The following DMTN variants were observed in gnomAD, a reference collection of about 807,000 sequenced individuals.
DMTN encodes the protein dematin actin binding protein.
A neutral mutation model predicts 59.4 loss-of-function variants in DMTN; 27 were observed. That is an observed-to-expected ratio of 0.45 (90% CI 0.33 to 0.63). The LOEUF (loss-of-function observed/expected upper bound fraction) is 0.63, where lower values mean the gene tolerates loss of function less well. Ranked by LOEUF, DMTN falls within the 20% of genes least tolerant of loss-of-function variation. The probability of loss-of-function intolerance (pLI) is 0.02; values close to 1 mark genes in which losing one functional copy is unlikely to be tolerated. For synonymous variants in DMTN, 221 were observed against 203.7 expected, an observed-to-expected ratio of 1.08 and a Z score of -0.72; for missense variants, 451 against 528.9, an observed-to-expected ratio of 0.85 and a Z score of 1.45.
chr8:22,081,695 C>G lies in DMTN; in HGVS notation c.*232C>G. 1.7e-6 allele frequency: 1 copy of G among 592,242 alleles called. No homozygotes were observed. The highest frequency in any genetic ancestry group is 1.8e-5 in the South Asian group (1 of 54,532). 36.7% of individuals were successfully genotyped at this position (592,242 alleles called of 1,614,324 possible). On this transcript the variant is annotated 3_prime_UTR_variant, in exon 16 of 16. Coordinates refer to ENST00000358242, the MANE Select transcript of DMTN (RefSeq NM_001387751.1). Reference sequence around the variant, plus strand: ...CTGGCCCTCCCTGCACAGGGCAAAGCCAGTCTGGGCTCTGGCACACAGAGT... The same window carrying G: ...CTGGCCCTCCCTGCACAGGGCAAAGGCAGTCTGGGCTCTGGCACACAGAGT...
upstream of DMTN, among the ~76,000 whole-genome samples, chr8:22,052,139 G>A (rs765203359): frequency 1.3e-5 from 2 of 152,210 alleles, no homozygotes; most frequent in African/African-American, 2.4e-5. Flanking sequence ...ATGAGCGACT[G>A]TCTCCACTGC....
chr8:22,069,849 GTCC>G (rs752688962), intron 6 of DMTN, 29 bp from the exon 7 acceptor site: 25 of 1,611,956 alleles, frequency 1.6e-5, no homozygotes, highest in East Asian at 2.2e-5. Flanking sequence ...CCATCAGCAT[GTCC>G]TCCTCCTCAT....
At chr8:22,057,371 A>T (rs900058483) in intron 1 of DMTN, among the ~76,000 whole-genome samples, 1 of 152,146 alleles carries the variant, frequency 6.6e-6, no homozygotes, top group African/African-American at 2.4e-5. Flanking sequence ...AACTGCTCCC[A>T]GCCCAATCCC....
chr8:22,081,168 C>T lies in DMTN; in HGVS notation c.1079C>T (p.Pro360Leu), dbSNP rs750730863. ...AACAAGGGGCGAACCAAGCTGCCACCGGGGGTGGATCGGATGCGGCTTGAG... is the reference window on the plus strand; with the variant it reads ...AACAAGGGGCGAACCAAGCTGCCACTGGGGGTGGATCGGATGCGGCTTGAG... ...VTNKGRTKLP[P>L]GVDRMRLERH... Residue 360 changes from proline to leucine, a missense_variant, in exon 15 of 16, where the codon CCG (proline) becomes CTG (leucine). Coordinates refer to ENST00000358242, the MANE Select transcript of DMTN (RefSeq NM_001387751.1). 8.7e-6 allele frequency: 14 copies of T among 1,612,748 alleles called. No individual in the cohort carries two copies. Among genetic ancestry groups the T allele is most frequent in the African/African-American group, 4.0e-5 (3 of 74,422 alleles).
At chr8:22,075,806 G>A (rs1430400682) in intron 10 of DMTN, among the ~76,000 whole-genome samples, 4 of 152,078 alleles carry the variant, frequency 2.6e-5, no homozygotes, top group African/African-American at 4.8e-5. Flanking sequence ...GGCGTGAGCC[G>A]CTGCGCCCAG....
At chr8:22,077,885 G>T (rs1306136252) in intron 10 of DMTN, among the ~76,000 whole-genome samples, 1 of 152,060 alleles carries the variant, frequency 6.6e-6, no homozygotes, top group African/African-American at 2.4e-5. Context: ...CTTCGTGCAG[G>T]GTTTGAAGGT....
intron 5 of DMTN, 73 bp downstream of exon 5, chr8:22,069,133 T>C: frequency 1.3e-6 from 2 of 1,538,206 alleles, no homozygotes; most frequent in Non-Finnish European, 1.8e-6. Flanking sequence ...CCCTCACACA[T>C]CAGACCAAGC....
At chr8:22,067,003 G>T (rs1489712322) in intron 2 of DMTN, 82 bp from the exon 3 acceptor site, 3 of 1,310,868 alleles carry the variant, frequency 2.3e-6, no homozygotes, top group Non-Finnish European at 2.0e-6. Flanking sequence ...CAGCGCCCCG[G>T]GTCCCCCAGG....
chr8:22,080,647 A>G, intron 13 of DMTN, 22 bp downstream of exon 13: 1 of 1,600,360 alleles, frequency 6.2e-7, no homozygotes, highest in Non-Finnish European at 8.5e-7. Flanking sequence ...CTGGAGGGGA[A>G]CAGGCAGAGC....
At position 22,060,249 on chromosome 8, in the gene DMTN, T is replaced by C. The variant is rs952837441; in HGVS notation, c.-172+3113T>C. ...GGGATGCAGGCACAGACAGGCGGGGTGCATGGATGGGAGAGGGGTCTGGAT... is the reference window on the plus strand; with the variant it reads ...GGGATGCAGGCACAGACAGGCGGGGCGCATGGATGGGAGAGGGGTCTGGAT... On this transcript the variant is annotated intron_variant, in intron 1 of 15. Coordinates refer to ENST00000358242, the MANE Select transcript of DMTN (RefSeq NM_001387751.1). The surrounding 1 kb of genome is among the most constrained non-coding windows in gnomAD (Gnocchi z 5.0). 2.0e-5 allele frequency among the ~76,000 whole-genome samples: 3 copies of C among 151,534 alleles called. No individual in the cohort carries two copies. The highest frequency in any genetic ancestry group is 7.3e-5 in the African/African-American group (3 of 41,192).
At position 22,067,564 on chromosome 8, in the gene DMTN, T is replaced by G; in HGVS notation, c.131T>G (p.Leu44Arg). 6.2e-7 allele frequency: 1 copy of G among 1,614,192 alleles called. No homozygotes were observed. Among genetic ancestry groups the G allele is most frequent in the Non-Finnish European group, 8.5e-7 (1 of 1,180,036 alleles). ...AATCAGGTGCTGGGCTACAAGGACC[T>G]GGCTGCCATCCCCAAGGACAAGGCC... ...MDNQVLGYKD[L>R]AAIPKDKAIL... The change falls in exon 4 of 16, where the codon CTG becomes CGG. Residue 44 changes from leucine to arginine, a missense_variant. Physicochemically the swap from Leu to Arg is moderately radical, Grantham distance 102 (BLOSUM62 -2). Coordinates refer to ENST00000358242, the MANE Select transcript of DMTN (RefSeq NM_001387751.1).
chr8:22,074,899 T>C (rs1266412730), intron 10 of DMTN, among the ~76,000 whole-genome samples: 1 of 152,034 alleles, frequency 6.6e-6, no homozygotes, highest in African/African-American at 2.4e-5. Flanking sequence ...TCTTAAAGCC[T>C]AAGAGGGGTC....
chr8:22,071,388 G>T (rs1209788080), intron 8 of DMTN, among the ~76,000 whole-genome samples: 1 of 151,728 alleles, frequency 6.6e-6, no homozygotes, highest in Non-Finnish European at 1.5e-5. Flanking sequence ...GAGCCACCAT[G>T]CCTGACTCTC....
upstream of DMTN, among the ~76,000 whole-genome samples, chr8:22,050,895 G>A (rs1387897014): frequency 1.3e-5 from 2 of 152,186 alleles, no homozygotes; most frequent in Non-Finnish European, 2.9e-5. Flanking sequence ...CTGGAAGTCT[G>A]TTCAGCTCAT....
intron 14 of DMTN, 117 bp downstream of exon 14, chr8:22,080,987 G>T: frequency 6.7e-7 from 1 of 1,484,356 alleles, no homozygotes. Context: ...TGGCAGGGAA[G>T]TTGGGGGAGA....
chr8:22,049,444 C>T (rs376544970), upstream of DMTN, among the ~76,000 whole-genome samples: 1 of 151,740 alleles, frequency 6.6e-6, no homozygotes, highest in East Asian at 2.0e-4. Flanking sequence ...CCAGCTTCTC[C>T]GGTGGGCTTT....
upstream of DMTN, among the ~76,000 whole-genome samples, chr8:22,052,999 C>T (rs564595095): frequency 7.9e-5 from 12 of 152,158 alleles, no homozygotes; most frequent in East Asian, 3.9e-4. Flanking sequence ...AGGGTGCTTG[C>T]GGGGGCTTTG....
At chr8:22,067,826 C>T in intron 4 of DMTN, 144 bp downstream of exon 4, 2 of 960,012 alleles carry the variant, frequency 2.1e-6, no homozygotes, top group Middle Eastern at 3.4e-4. Context: ...ACCAACCAGT[C>T]AGTCCATCCG....
At chr8:22,052,700 C>G (rs1280069441), upstream of DMTN, among the ~76,000 whole-genome samples, 1 of 151,938 alleles carries the variant, frequency 6.6e-6, no homozygotes, top group Non-Finnish European at 1.5e-5. Flanking sequence ...CGTACGTCCC[C>G]AAAGAGGGAA....
Sources: gnomAD v4.1 joint callset for allele counts (sites outside exome capture counted in the v4.1 genomes callset) on GRCh38, gnomAD v4.1.1 for gene constraint, Gnocchi (gnomAD v3.1) non-coding constraint, MANE v1.5 for transcripts, NCBI Gene and HGNC (gene_info 2026-07-23, HGNC 2026-07-21) for gene names.